AGBL3: variants seen among roughly 807,000 people sequenced by gnomAD.
The protein encoded by AGBL3 is AGBL carboxypeptidase 3.
Under a neutral mutation model 94.5 loss-of-function variants are expected in AGBL3, and 68 were observed. That is an observed-to-expected ratio of 0.72 (90% CI 0.59 to 0.88). The LOEUF (loss-of-function observed/expected upper bound fraction) is 0.88, where lower values mean the gene tolerates loss of function less well. Ranked by LOEUF, AGBL3 falls within the 40% of genes least tolerant of loss-of-function variation. The probability of loss-of-function intolerance (pLI) is 0.00; values close to 1 mark genes in which losing one functional copy is unlikely to be tolerated. For missense variants in AGBL3, 934 were observed against 1,103.8 expected, an observed-to-expected ratio of 0.85 and a Z score of 2.18; for synonymous variants, 354 against 370.7, an observed-to-expected ratio of 0.95 and a Z score of 0.52.
chr7:135,089,448 T>C (rs564279796), intron 15 of AGBL3, among the ~76,000 whole-genome samples: 2 of 152,350 alleles, frequency 1.3e-5, no homozygotes, highest in East Asian at 1.9e-4. Context: ...TGTCCCTGCA[T>C]TGATGCCTGT....
At chr7:135,115,731 A>G (rs1467743990) in intron 16 of AGBL3, 120 bp downstream of exon 16, 1 of 812,570 alleles carries the variant, frequency 1.2e-6, no homozygotes, top group Non-Finnish European at 1.9e-6. Context: ...TGTCAGCTCC[A>G]TCACATTTGG....
chr7:135,047,797 A>C (rs1817510548), intron 11 of AGBL3, among the ~76,000 whole-genome samples: 1 of 151,916 alleles, frequency 6.6e-6, no homozygotes. Context: ...TATAGTTTGC[A>C]CATTTTTTTT....
chr7:135,103,852 A>G (rs73153772), intron 15 of AGBL3, among the ~76,000 whole-genome samples: 3,900 of 152,074 alleles, frequency 0.026, 74 homozygotes, highest in Middle Eastern at 0.051. Flanking sequence ...CTTGTGTTGT[A>G]ATTTTCTTCA....
At position 135,017,089 on chromosome 7, in the gene AGBL3, A is replaced by C. The variant is rs1813888106; in HGVS notation, c.348A>C (p.Pro116=). The change falls in exon 5 of 17, where the codon CCA becomes CCC. Residue 116 remains proline, a synonymous_variant. Transcript: ENST00000436302. ...TPSCPEPVYI[P]TGLETEPLYP... ...CTTGTCCTGAGCCAGTGTATATCCCAACGGGCTTAGAAACGGAACCCCTTT... is the reference window on the plus strand; with the variant it reads ...CTTGTCCTGAGCCAGTGTATATCCCCACGGGCTTAGAAACGGAACCCCTTT... 1 of 1,550,868 alleles carries C rather than the reference A, an allele frequency of 6.4e-7. No individual in the cohort carries two copies. The highest frequency in any genetic ancestry group is 1.4e-5 in the African/African-American group (1 of 73,034).
intron 15 of AGBL3, among the ~76,000 whole-genome samples, chr7:135,096,327 A>T (rs557085277): frequency 6.6e-6 from 1 of 151,918 alleles, no homozygotes; most frequent in Non-Finnish European, 1.5e-5. Context: ...TGTCACCAAA[A>T]AAGAAAAAGA....
At position 135,129,189 on chromosome 7, in the gene AGBL3, T is replaced by C. The variant is rs1828374857; in HGVS notation, c.2343-5652T>C. ...CTTGGACCTGATGGCAGATGTGGTG[T>C]ACTGCCCCCACGCATGCTGCCAGCT... is the stretch of plus-strand genomic sequence containing the variant. On this transcript the variant is annotated intron_variant, in intron 16 of 16. Coordinates refer to ENST00000436302, the MANE Select transcript of AGBL3 (RefSeq NM_178563.4). 3 of 1,423,054 alleles carry C rather than the reference T, an allele frequency of 2.1e-6. No homozygotes were observed. The African/African-American group carries it at 4.2e-5, about 20-fold the overall frequency. The allele number at this position is 1,423,054 out of a possible 1,614,324, so 88.2% of individuals were successfully genotyped here. A position where few individuals can be genotyped will look rare whatever the true frequency, so the allele number is the denominator to read the frequency against.
chr7:135,037,577 T>C lies in AGBL3; in HGVS notation c.1497T>C (p.Asp499=). The C allele has an allele frequency of 1.3e-6, 2 of 1,537,590 alleles. No homozygotes were observed. Among genetic ancestry groups the C allele is most frequent in the South Asian group, 1.2e-5 (1 of 81,210 alleles). Residue 499 remains aspartate, a synonymous_variant, in exon 8 of 17, where the codon GAT becomes GAC. Transcript: ENST00000436302. ...FPLMLSKNCP[D]KFSFSACKFN... ...TTATGCTAAGCAAAAATTGTCCAGATAAAGTAAGCACCTTTTAAGGTATTA... is the reference window on the plus strand; with the variant it reads ...TTATGCTAAGCAAAAATTGTCCAGACAAAGTAAGCACCTTTTAAGGTATTA...
intron 4 of AGBL3, among the ~76,000 whole-genome samples, chr7:135,014,317 C>T (rs1813522142): frequency 6.7e-6 from 1 of 148,562 alleles, no homozygotes; most frequent in Non-Finnish European, 1.5e-5. Flanking sequence ...ACACAATAAA[C>T]AAGTCTGATA....
intron 11 of AGBL3, among the ~76,000 whole-genome samples, chr7:135,048,269 A>G (rs1388343888): frequency 6.6e-6 from 1 of 151,864 alleles, no homozygotes; most frequent in Admixed American, 6.6e-5. Context: ...TTAATTTGAA[A>G]TCAGAGAAAG....
intron 15 of AGBL3, chr7:135,099,816 T>G (rs1823491790): frequency 6.6e-6 from 1 of 151,688 alleles, no homozygotes; most frequent in East Asian, 1.9e-4. Flanking sequence ...ACTACCCCAA[T>G]AGATGCTTTA....
chr7:135,123,877 A>G (rs539646801), intron 16 of AGBL3, among the ~76,000 whole-genome samples: 51 of 152,350 alleles, frequency 3.3e-4, no homozygotes, highest in Admixed American at 6.5e-4. Context: ...CTGCCTTGCA[A>G]GAGCTCCTGA....
chr7:135,070,438 A>G lies in AGBL3; in HGVS notation c.1909-5959A>G, dbSNP rs185159075. On this transcript the variant is annotated intron_variant, in intron 12 of 16. Transcript: ENST00000436302. ...ATACCACAAAAAAAGAGAATTTTAG[A>G]CCAATATCCTTGATGAACATTGATA... Among the ~76,000 whole-genome samples the G allele has an allele frequency of 5.0e-3, 769 of 152,290 alleles. 27 individuals carry two copies. Among genetic ancestry groups the G allele is most frequent in the Non-Finnish European group, 2.5e-3 (173 of 68,024 alleles).
At chr7:135,133,464 A>G (rs1829072585) in intron 16 of AGBL3, among the ~76,000 whole-genome samples, 1 of 152,232 alleles carries the variant, frequency 6.6e-6, no homozygotes, top group African/African-American at 2.4e-5. Context: ...TTAAAATAGC[A>G]AAAACAATTT....
intron 11 of AGBL3, among the ~76,000 whole-genome samples, chr7:135,056,364 A>T (rs1818350591): frequency 6.6e-6 from 1 of 151,960 alleles, no homozygotes; most frequent in African/African-American, 2.4e-5. Context: ...TTCTTTTCTG[A>T]CATATGCATT....
chr7:135,056,430 TAA>T (rs752686371), intron 11 of AGBL3, among the ~76,000 whole-genome samples: 1 of 152,078 alleles, frequency 6.6e-6, no homozygotes, highest in Non-Finnish European at 1.5e-5. Flanking sequence ...CAAATATTGA[TAA>T]GTTGTATTTT....
chr7:135,129,600 C>T (rs1828442876), intron 16 of AGBL3: 1 of 773,780 alleles, frequency 1.3e-6, no homozygotes, highest in Non-Finnish European at 2.4e-6. Flanking sequence ...CCCTTACAAA[C>T]ATTTCACTGA....
chr7:135,001,690 G>A (rs1281488431), intron 4 of AGBL3, among the ~76,000 whole-genome samples: 2 of 151,954 alleles, frequency 1.3e-5, no homozygotes, highest in Non-Finnish European at 2.9e-5. Flanking sequence ...TGTTATTTTA[G>A]CTCTCAGTTT....
intron 15 of AGBL3, among the ~76,000 whole-genome samples, chr7:135,113,586 T>G (rs762281529): frequency 1.3e-5 from 2 of 152,204 alleles, no homozygotes; most frequent in Non-Finnish European, 1.5e-5. Context: ...GGACATTTTT[T>G]TAAATGTCTG....
chr7:135,039,701 C>T (rs1816661862), intron 8 of AGBL3, among the ~76,000 whole-genome samples: 2 of 152,016 alleles, frequency 1.3e-5, no homozygotes, highest in African/African-American at 4.8e-5. Context: ...TACCACTGTA[C>T]TCCAGCCTGG....
Sources: allele counts gnomAD v4.1 joint callset (sites outside exome capture counted in the v4.1 genomes callset), GRCh38; gene constraint gnomAD v4.1.1; transcripts MANE v1.5; gene names NCBI Gene and HGNC (gene_info 2026-07-23, HGNC 2026-07-21).